CAAP1: variants seen among roughly 807,000 people sequenced by gnomAD.
CAAP1 encodes the protein conserved anti-apoptotic protein.
CAAP1 carries 20 observed loss-of-function variants against 34.0 expected under a neutral mutation model. The observed-to-expected ratio is 0.59, with a 90% CI of 0.41 to 0.86. The LOEUF (loss-of-function observed/expected upper bound fraction) is 0.86, where lower values mean the gene tolerates loss of function less well. Ranked by LOEUF, CAAP1 falls within the 40% of genes least tolerant of loss-of-function variation. The probability of loss-of-function intolerance (pLI) is 0.00; values close to 1 mark genes in which losing one functional copy is unlikely to be tolerated. For missense variants in CAAP1, 538 were observed against 450.5 expected (o/e 1.19, Z -1.76); for synonymous variants, 213 against 166.7 (o/e 1.28, Z -2.14).
chr9:26,877,022 C>G (rs75639189), intron 4 of CAAP1, among the ~76,000 whole-genome samples: 87 of 152,220 alleles, frequency 5.7e-4, no homozygotes, highest in Admixed American at 3.5e-3. Context: ...GGGATGGTAA[C>G]ACAGGCCTAT....
chr9:26,844,256 C>G (rs1019325521), intron 5 of CAAP1, among the ~76,000 whole-genome samples: 3 of 152,118 alleles, frequency 2.0e-5, no homozygotes, highest in Admixed American at 1.3e-4. Flanking sequence ...ACTCGGGAGG[C>G]TGAGGCAAGA....
intron 5 of CAAP1, among the ~76,000 whole-genome samples, chr9:26,855,326 G>C (rs2131303672): frequency 6.6e-6 from 1 of 152,302 alleles, no homozygotes; most frequent in East Asian, 1.9e-4. Flanking sequence ...GAGTTGGGGG[G>C]GAGAGAGTGG....
intron 5 of CAAP1, among the ~76,000 whole-genome samples, chr9:26,849,181 T>C (rs1822685512): frequency 6.6e-6 from 1 of 152,240 alleles, no homozygotes; most frequent in African/African-American, 2.4e-5. Flanking sequence ...GAGGATCAAC[T>C]ATAAGGGATG....
At chr9:26,859,876 C>T (rs1218430632) in intron 5 of CAAP1, among the ~76,000 whole-genome samples, 5 of 152,130 alleles carry the variant, frequency 3.3e-5, no homozygotes, top group Non-Finnish European at 5.9e-5. Flanking sequence ...ATCAGAATTA[C>T]AGAAAATCTA....
intron 1 of CAAP1, among the ~76,000 whole-genome samples, chr9:26,888,531 G>GT (rs1240977920): frequency 6.6e-6 from 1 of 152,206 alleles, no homozygotes; most frequent in Non-Finnish European, 1.5e-5. Context: ...TTACAAAGCA[G>GT]TTTTAAAATG....
intron 5 of CAAP1, among the ~76,000 whole-genome samples, chr9:26,845,076 A>G (rs1466240821): frequency 6.6e-6 from 1 of 152,182 alleles, no homozygotes; most frequent in East Asian, 1.9e-4. Flanking sequence ...ACTCTCTGTG[A>G]AAGTGTCATC....
At chr9:26,854,974 T>C (rs1372739457) in intron 5 of CAAP1, among the ~76,000 whole-genome samples, 1 of 152,210 alleles carries the variant, frequency 6.6e-6, no homozygotes, top group Non-Finnish European at 1.5e-5. Context: ...GGAATACAAT[T>C]AAGCAATTTC....
chr9:26,862,826 T>G (rs549188099), intron 4 of CAAP1, among the ~76,000 whole-genome samples: 9 of 152,166 alleles, frequency 5.9e-5, no homozygotes, highest in Non-Finnish European at 1.2e-4. Context: ...TACTCTGTTA[T>G]GGTTACATAA....
At position 26,842,738 on chromosome 9, in the gene CAAP1, C is replaced by T. The variant is rs1299638024; in HGVS notation, c.740-91G>A. The T allele has an allele frequency of 3.9e-6, 4 of 1,034,936 alleles. No homozygotes were observed. In the East Asian group the frequency reaches 9.8e-5, roughly 25 times the overall value. The allele number at this position is 1,034,936 out of a possible 1,614,324, so 64.1% of individuals were successfully genotyped here. On this transcript the variant is annotated intron_variant, in intron 5 of 5. Transcript: ENST00000333916. ...TTATAATTTAAAAACTGCTTTGATCCCACCTCCCACTATGGAGTCCCAAAC... is the reference window on the plus strand; with the variant it reads ...TTATAATTTAAAAACTGCTTTGATCTCACCTCCCACTATGGAGTCCCAAAC...
intron 4 of CAAP1, among the ~76,000 whole-genome samples, chr9:26,872,574 T>TATATATA (rs1563888459): frequency 7.2e-6 from 1 of 138,170 alleles, no homozygotes; most frequent in African/African-American, 3.0e-5. Context: ...ATATATATAT[T>TATATATA]TAGACAGAGT....
chr9:26,854,463 A>G (rs554139843), intron 5 of CAAP1, among the ~76,000 whole-genome samples: 1 of 151,912 alleles, frequency 6.6e-6, no homozygotes, highest in Admixed American at 6.5e-5. Flanking sequence ...AAGCTTCACA[A>G]ATTAGGATGC....
intron 1 of CAAP1, among the ~76,000 whole-genome samples, chr9:26,891,710 G>C (rs999805770): frequency 2.0e-5 from 3 of 152,124 alleles, no homozygotes; most frequent in African/African-American, 7.2e-5. Flanking sequence ...ACACAATACA[G>C]CTTAAGTGTA....
At position 26,869,513 on chromosome 9, in the gene CAAP1, GA is replaced by G. The variant is rs548367615; in HGVS notation, c.666-8375del. Among the ~76,000 whole-genome samples, 1,240 of 150,532 alleles carry G rather than the reference GA, an allele frequency of 8.2e-3. 14 individuals are homozygous for G. The highest frequency in any genetic ancestry group is 0.028 in the African/African-American group (1,166 of 41,028). On this transcript the variant is annotated intron_variant, in intron 4 of 5. Coordinates refer to ENST00000333916, the MANE Select transcript of CAAP1 (RefSeq NM_024828.4). ...GTTAAAATGAAAAAATCTGAATGTG[GA>G]AAAAAAAACCATTTATATTTATACA... is the stretch of plus-strand genomic sequence containing the variant.
In CAAP1 at chr9:26,892,554, G is replaced by C; in HGVS notation, c.162C>G (p.Cys54Trp). 1 of 1,583,596 alleles carries C rather than the reference G, an allele frequency of 6.3e-7. No individual in the cohort carries two copies. Among genetic ancestry groups the C allele is most frequent in the Non-Finnish European group, 8.6e-7 (1 of 1,165,400 alleles). Residue 54 changes from cysteine (C) to tryptophan (W), a missense_variant, in exon 1 of 6, where the codon TGC (cysteine) becomes TGG (tryptophan). Physicochemically the swap from Cys to Trp is radical, Grantham distance 215. Coordinates refer to ENST00000333916, the MANE Select transcript of CAAP1 (RefSeq NM_024828.4). ...GSAGGCGSVS[C>W]CGNANFSGSV... ...TTCCACTAAAATTGGCGTTCCCACA[G>C]CAGCTGACGCTCCCGCAGCCCCCGG...
intron 4 of CAAP1, chr9:26,870,038 A>C (rs1370395219): frequency 1.6e-5 from 9 of 570,766 alleles, no homozygotes; most frequent in African/African-American, 2.2e-5. Flanking sequence ...AGAAAGAATA[A>C]CTTTTTTTTT....
intron 5 of CAAP1, among the ~76,000 whole-genome samples, chr9:26,845,489 C>T (rs1587085228): frequency 6.6e-6 from 1 of 152,200 alleles, no homozygotes; most frequent in African/African-American, 2.4e-5. Context: ...GATTCTCCTG[C>T]GTCAGCCTTC....
intron 2 of CAAP1, 48 bp downstream of exon 2, chr9:26,887,265 A>G: frequency 1.7e-6 from 2 of 1,209,026 alleles, no homozygotes; most frequent in South Asian, 1.7e-5. Context: ...TGCTACAAAG[A>G]AGGCTGTATT....
At chr9:26,881,390 C>T (rs1823590184) in intron 4 of CAAP1, among the ~76,000 whole-genome samples, 1 of 152,206 alleles carries the variant, frequency 6.6e-6, no homozygotes, top group Non-Finnish European at 1.5e-5. Flanking sequence ...ATAATTCCCA[C>T]ATATTGTAGG....
At chr9:26,860,981 A>T in intron 5 of CAAP1, 85 bp downstream of exon 5, 2 of 927,628 alleles carry the variant, frequency 2.2e-6, no homozygotes, top group Non-Finnish European at 3.6e-6. Flanking sequence ...AAATGGGGTG[A>T]GTTAGACACT....
Sources: gnomAD v4.1 joint callset for allele counts (sites outside exome capture counted in the v4.1 genomes callset) on GRCh38, gnomAD v4.1.1 for gene constraint, MANE v1.5 for transcripts, NCBI Gene and HGNC (gene_info 2026-07-23, HGNC 2026-07-21) for gene names.